The following PIGU variants were observed in gnomAD, a reference collection of about 807,000 sequenced individuals.
The protein encoded by PIGU is phosphatidylinositol glycan anchor biosynthesis class U.
In PIGU, 24 loss-of-function variants were observed where a neutral mutation model predicts 49.9. The observed-to-expected ratio is 0.48, with a 90% CI of 0.35 to 0.68. The LOEUF is 0.68. PIGU is among the 30% of genes least tolerant of loss of function. PIGU has a pLI of 0.01. For synonymous variants in PIGU, 220 were observed against 205.7 expected, an observed-to-expected ratio of 1.07 and a Z score of -0.59; for missense variants, 490 against 532.6, an observed-to-expected ratio of 0.92 and a Z score of 0.79.
At chr20:34,663,855 C>T (rs542838755) in intron 1 of PIGU, among the ~76,000 whole-genome samples, 79 of 152,348 alleles carry the variant, frequency 5.2e-4, no homozygotes, top group Admixed American at 6.5e-4. Context: ...AGCAACTCTA[C>T]AGGGCACCAG....
At chr20:34,575,375 A>C (rs1328056772) in intron 10 of PIGU, 129 bp from the exon 11 acceptor site, 1 of 1,151,976 alleles carries the variant, frequency 8.7e-7, no homozygotes, top group African/African-American at 1.6e-5. Flanking sequence ...GCACCCCCAG[A>C]GGTACTGGGG....
intron 1 of PIGU, among the ~76,000 whole-genome samples, chr20:34,667,967 T>C (rs898996080): frequency 2.0e-5 from 3 of 152,100 alleles, no homozygotes; most frequent in African/African-American, 7.2e-5. Context: ...TCCAATGCAC[T>C]GAGAGGACCA....
intron 1 of PIGU, 79 bp downstream of exon 1, chr20:34,676,877 C>G: frequency 1.3e-6 from 2 of 1,507,238 alleles, no homozygotes; most frequent in South Asian, 2.4e-5. Flanking sequence ...CGCTGGCGGT[C>G]ACTGCCCCCG....
intron 1 of PIGU, among the ~76,000 whole-genome samples, chr20:34,669,904 T>G (rs1387099360): frequency 6.6e-6 from 1 of 151,968 alleles, no homozygotes; most frequent in Non-Finnish European, 1.5e-5. Flanking sequence ...AAACAAAAAC[T>G]TTTTTCTTAG....
At chr20:34,611,219 T>C (rs965373400) in intron 7 of PIGU, among the ~76,000 whole-genome samples, 1 of 151,980 alleles carries the variant, frequency 6.6e-6, no homozygotes, top group African/African-American at 2.4e-5. Flanking sequence ...CTAATTAAAC[T>C]AAAGAGCTTC....
rs780576997 is a variant in PIGU, at chr20:34,575,123, AG to A, written c.1174del (p.Leu392Ter). 1 of 1,614,174 alleles carries A rather than the reference AG, an allele frequency of 6.2e-7. No individual in the cohort carries two copies. The highest frequency in any genetic ancestry group is 2.2e-5 in the East Asian group (1 of 44,888). On this transcript the variant is annotated frameshift_variant, in exon 11 of 12. Transcript: ENST00000217446. LOFTEE classifies it high-confidence loss of function. The part of the protein sequence containing the change: ...ANSNFFYAIT[L>X]TFNVGQILLI... ...TCTTACCTGCCCAACGTTGAAGGTC[AG>A]TGTGATGGCATAAAAGAAATTAGAG...
intron 7 of PIGU, among the ~76,000 whole-genome samples, chr20:34,596,474 G>A (rs962273453): frequency 1.1e-4 from 17 of 152,114 alleles, no homozygotes; most frequent in African/African-American, 4.1e-4. Context: ...AACTGTATAT[G>A]GTTATATAAA....
chr20:34,640,098 A>G (rs1036127700), intron 4 of PIGU, among the ~76,000 whole-genome samples: 18 of 152,126 alleles, frequency 1.2e-4, no homozygotes, highest in African/African-American at 4.3e-4. Flanking sequence ...GGGAATGCAG[A>G]CCTCATTCCC....
chr20:34,614,625 CA>C (rs11477079), intron 7 of PIGU, among the ~76,000 whole-genome samples: 48,107 of 113,804 alleles, frequency 0.42, 7,976 homozygotes, highest in Admixed American at 0.57. Context: ...GACCTGCTCT[CA>C]AAAAAAAAAA....
intron 1 of PIGU, among the ~76,000 whole-genome samples, chr20:34,662,868 A>C (rs1986970784): frequency 6.6e-6 from 1 of 152,172 alleles, no homozygotes; most frequent in African/African-American, 2.4e-5. Flanking sequence ...AATCTTTAGC[A>C]ATGAGGATGT....
At chr20:34,642,693 C>CATATATATATATATATAT (rs11472795) in intron 4 of PIGU, among the ~76,000 whole-genome samples, 4 of 120,292 alleles carry the variant, frequency 3.3e-5, no homozygotes, top group African/African-American at 1.2e-4. Context: ...ACACATATCT[C>CATATATATATATATATAT]ATATATATAT....
intron 8 of PIGU, among the ~76,000 whole-genome samples, chr20:34,586,264 G>T (rs1172058336): frequency 6.6e-6 from 1 of 152,098 alleles, no homozygotes; most frequent in Non-Finnish European, 1.5e-5. Context: ...ATTCAAAAAG[G>T]ACAACAAATA....
At chr20:34,602,950 G>T (rs1478949366) in intron 7 of PIGU, among the ~76,000 whole-genome samples, 1 of 151,578 alleles carries the variant, frequency 6.6e-6, no homozygotes, top group Non-Finnish European at 1.5e-5. Context: ...CTATAGTTTA[G>T]GTCTTGCCTA....
intron 6 of PIGU, among the ~76,000 whole-genome samples, chr20:34,620,374 A>G (rs932999565): frequency 1.3e-5 from 2 of 152,192 alleles, no homozygotes; most frequent in African/African-American, 4.8e-5. Flanking sequence ...GCTTTCTAGT[A>G]GAAAGCATTC....
intron 3 of PIGU, 112 bp from the exon 4 acceptor site, chr20:34,644,338 T>C: frequency 1.2e-6 from 1 of 819,844 alleles, no homozygotes; most frequent in Non-Finnish European, 2.0e-6. Context: ...AGTACTGGAC[T>C]CTTACAATCA....
At chr20:34,562,650 G>C in intron 11 of PIGU, 2 of 1,073,966 alleles carry the variant, frequency 1.9e-6, no homozygotes, top group Non-Finnish European at 2.5e-6. Context: ...GCTACACCTG[G>C]AGCACTGGAC....
At chr20:34,654,796 G>T (rs931277307) in intron 2 of PIGU, among the ~76,000 whole-genome samples, 1 of 118,494 alleles carries the variant, frequency 8.4e-6, no homozygotes, top group Non-Finnish European at 1.8e-5. Context: ...CACAAGGTCA[G>T]GAGTTCGAGA....
chr20:34,674,022 C>T (rs1488356035), intron 1 of PIGU, among the ~76,000 whole-genome samples: 1 of 151,836 alleles, frequency 6.6e-6, no homozygotes, highest in Non-Finnish European at 1.5e-5. Flanking sequence ...CACTACACTC[C>T]AGCCTGGGCA....
At chr20:34,593,821 C>T (rs1984090071) in intron 7 of PIGU, among the ~76,000 whole-genome samples, 1 of 152,040 alleles carries the variant, frequency 6.6e-6, no homozygotes, top group Admixed American at 6.6e-5. Flanking sequence ...TAGAAAAAAG[C>T]TCAACTGTGA....
Sources: allele counts gnomAD v4.1 joint callset (sites outside exome capture counted in the v4.1 genomes callset), GRCh38; gene constraint gnomAD v4.1.1; transcripts MANE v1.5; gene names NCBI Gene and HGNC (gene_info 2026-07-23, HGNC 2026-07-21).